Variants in KCTD18 observed in about 807,000 individuals in gnomAD.
KCTD18 encodes the protein BTB/POZ domain-containing protein KCTD18.
In KCTD18, 22 loss-of-function variants were observed where a neutral mutation model predicts 30.4. The ratio of observed to expected loss-of-function variants is 0.72; its 90% CI spans 0.52 to 1.03. KCTD18 has a LOEUF of 1.03. Among genes scored for constraint, KCTD18 ranks in the 50% least tolerant of loss-of-function variants. The pLI is 0.00. For missense variants in KCTD18, 529 were observed against 547.6 expected (o/e 0.97, Z 0.34); for synonymous variants, 186 against 209.0 (o/e 0.89, Z 0.95).
intron 6 of KCTD18, among the ~76,000 whole-genome samples, chr2:200,492,785 A>G (rs2087938481): frequency 6.6e-6 from 1 of 152,238 alleles, no homozygotes; most frequent in Admixed American, 6.5e-5. Flanking sequence ...AACAGAAAGG[A>G]ACTCAGAATA....
At position 200,499,010 on chromosome 2, in the gene KCTD18, G is replaced by A; in HGVS notation, c.447C>T (p.Asn149=). The A allele has an allele frequency of 1.2e-6, 2 of 1,614,078 alleles. No individual in the cohort carries two copies. The highest frequency in any genetic ancestry group is 1.7e-6 in the Non-Finnish European group (2 of 1,179,956). The change falls in exon 4 of 7, where the codon AAC becomes AAT. Residue 149 remains asparagine (N), a synonymous_variant. Coordinates refer to ENST00000359878, the MANE Select transcript of KCTD18 (RefSeq NM_152387.4). ...KPTVWVLHYL[N]TSGASCESRI... is the part of the protein sequence containing the mutation. ...TACTCTCACAGCTTGCACCAGATGT[G>A]TTAAGATAGTGGAGAACCCAAACTG...
chr2:200,502,592 G>A (rs2029916030), intron 3 of KCTD18, among the ~76,000 whole-genome samples: 1 of 152,182 alleles, frequency 6.6e-6, no homozygotes, highest in Admixed American at 6.5e-5. Context: ...TCATTCATTT[G>A]AATATTAAGT....
At position 200,489,931 on chromosome 2, in the gene KCTD18, C is replaced by A. The variant is rs1353860105; in HGVS notation, c.*169G>T. The stretch of plus-strand genomic sequence containing the variant: ...GGAAAATGAGAAATGGAGCCTTAAC[C>A]ATTGAAAGTCTCCCCTCCTCCATTC... On this transcript the variant is annotated 3_prime_UTR_variant, in exon 7 of 7. Coordinates refer to ENST00000359878, the MANE Select transcript of KCTD18 (RefSeq NM_152387.4). 1 of 640,218 alleles carries A rather than the reference C, an allele frequency of 1.6e-6. No individual in the cohort carries two copies. Among genetic ancestry groups the A allele is most frequent in the Non-Finnish European group, 2.5e-6 (1 of 394,278 alleles). The allele number at this position is 640,218 out of a possible 1,614,324, so 39.7% of individuals were successfully genotyped here.
intron 5 of KCTD18, chr2:200,495,734 T>C (rs1290633074): frequency 6.6e-6 from 1 of 152,038 alleles, no homozygotes; most frequent in Non-Finnish European, 1.5e-5. Context: ...GTAGTAGTGG[T>C]TGCCTTTCTA....
chr2:200,508,276 G>C (rs953547651), intron 1 of KCTD18, among the ~76,000 whole-genome samples: 1 of 152,118 alleles, frequency 6.6e-6, no homozygotes, highest in African/African-American at 2.4e-5. Flanking sequence ...TTTTAGTAGA[G>C]ACGGCGTTTC....
chr2:200,502,844 A>C (rs187252012), intron 3 of KCTD18, among the ~76,000 whole-genome samples: 1 of 152,232 alleles, frequency 6.6e-6, no homozygotes, highest in East Asian at 1.9e-4. Flanking sequence ...CAGCCTGACC[A>C]ACATGGAGAA....
At chr2:200,492,277 C>T (rs2087931136) in intron 6 of KCTD18, among the ~76,000 whole-genome samples, 2 of 152,170 alleles carry the variant, frequency 1.3e-5, no homozygotes, top group African/African-American at 4.8e-5. Context: ...TTCTAAATGC[C>T]AGTAGCAACT....
chr2:200,504,567 A>C (rs547395456), intron 3 of KCTD18, among the ~76,000 whole-genome samples, 181 bp downstream of exon 3: 7 of 152,306 alleles, frequency 4.6e-5, no homozygotes, highest in Non-Finnish European at 8.8e-5. Context: ...TTTGAGTGGC[A>C]ATATACTTTC....
intron 3 of KCTD18, among the ~76,000 whole-genome samples, chr2:200,502,799 G>A (rs1256683174): frequency 2.0e-5 from 3 of 152,074 alleles, no homozygotes; most frequent in African/African-American, 7.2e-5. Context: ...GGGAGGCCGA[G>A]GCGGGCAGAT....
At position 200,493,278 on chromosome 2, in the gene KCTD18, GA is replaced by G; in HGVS notation, c.662-5del. The stretch of plus-strand genomic sequence containing the variant: ...GGCACCCGCCAGTAGCTAACACCTG[GA>G]AGGTAAAAAGACATAATTAAGACAG... On this transcript the variant is annotated splice_polypyrimidine_tract_variant and splice_region_variant and intron_variant, in intron 5 of 6. Coordinates refer to ENST00000359878, the MANE Select transcript of KCTD18 (RefSeq NM_152387.4). 1 of 1,559,144 alleles carries G rather than the reference GA, an allele frequency of 6.4e-7. No individual in the cohort carries two copies. The highest frequency in any genetic ancestry group is 8.9e-7 in the Non-Finnish European group (1 of 1,129,872).
intron 3 of KCTD18, among the ~76,000 whole-genome samples, chr2:200,504,264 C>T (rs900241016): frequency 6.6e-6 from 1 of 152,122 alleles, no homozygotes; most frequent in African/African-American, 2.4e-5. Context: ...CGAGACCATC[C>T]TGGCTAACAC....
rs555490949 is a variant in KCTD18 at position 200,489,818 on chromosome 2, G to GAATTAA, written c.*281_*282insTTAATT. ...CTCTCTAGAGATTATTTGTTGTACT[G>GAATTAA]TCTTGTTGCCTTAATACGAATTAAT... is the stretch of plus-strand genomic sequence containing the variant. On this transcript the variant is annotated 3_prime_UTR_variant, in exon 7 of 7. Transcript: ENST00000359878. 555 of 401,078 alleles carry GAATTAA rather than the reference G, an allele frequency of 1.4e-3. 2 individuals carry two copies. The highest frequency in any genetic ancestry group is 0.01 in the African/African-American group (504 of 49,322). 24.8% of individuals were successfully genotyped at this position (401,078 alleles called of 1,614,324 possible).
intron 4 of KCTD18, among the ~76,000 whole-genome samples, chr2:200,498,393 A>C (rs944617959): frequency 6.6e-6 from 1 of 152,190 alleles, no homozygotes; most frequent in Non-Finnish European, 1.5e-5. Flanking sequence ...TATAGGAAAA[A>C]TATTAAGTAA....
chr2:200,493,978 G>GC (rs2087961241), intron 5 of KCTD18, among the ~76,000 whole-genome samples: 1 of 152,204 alleles, frequency 6.6e-6, no homozygotes, highest in Non-Finnish European at 1.5e-5. Context: ...AAGAATCTGA[G>GC]CTAGTGAGTT....
intron 4 of KCTD18, 116 bp downstream of exon 4, chr2:200,498,775 T>C: frequency 6.1e-6 from 5 of 823,010 alleles, no homozygotes; most frequent in Non-Finnish European, 8.0e-6. Flanking sequence ...TGGCTCACTG[T>C]GTCTCCTGAG....
intron 1 of KCTD18, 138 bp downstream of exon 1, chr2:200,509,490 A>T (rs369826940): frequency 1.3e-5 from 2 of 152,486 alleles, no homozygotes; most frequent in East Asian, 3.9e-4. Context: ...TAAGGATAGG[A>T]ACATCATCAT....
At chr2:200,500,476 C>A (rs1298402381) in intron 3 of KCTD18, among the ~76,000 whole-genome samples, 1 of 152,064 alleles carries the variant, frequency 6.6e-6, no homozygotes, top group Non-Finnish European at 1.5e-5. Flanking sequence ...AAGCATTCTT[C>A]TACACCAACA....
Position 200,504,968 on chromosome 2 carries a change from CATTCAGTTCAAAAATG to C in KCTD18, c.161-25_161-10del. ...GTCAATAACACAAGCCCCTAGAAAA[CATTCAGTTCAAAAATG>C]ATTATAGAGATTCTGTCGATCAATA... On this transcript the variant is annotated splice_polypyrimidine_tract_variant and intron_variant, in intron 2 of 6. Transcript: ENST00000359878. 6.2e-7 allele frequency: 1 copy of C among 1,605,412 alleles called. No homozygotes were observed. The highest frequency in any genetic ancestry group is 8.5e-7 in the Non-Finnish European group (1 of 1,172,914).
Position 200,504,797 on chromosome 2 carries a change from G to T in KCTD18, c.323C>A (p.Ala108Asp). The change falls in exon 3 of 7, where the codon GCC becomes GAC. Residue 108 changes from alanine (A) to aspartate (D), a missense_variant. Transcript: ENST00000359878. ...PYPYSLSDHL[A>D]NEMETYSLRS... is the part of the protein sequence containing the mutation. Reference sequence around the variant, plus strand: ...TAAAGAATATGTCTCCATTTCATTGGCCAAATGGTCAGACAGGCTGTATGG... The same window carrying T: ...TAAAGAATATGTCTCCATTTCATTGTCCAAATGGTCAGACAGGCTGTATGG... 1.9e-6 allele frequency: 3 copies of T among 1,614,070 alleles called. No individual in the cohort carries two copies. Among genetic ancestry groups the T allele is most frequent in the Non-Finnish European group, 2.5e-6 (3 of 1,179,994 alleles).
Sources: gnomAD v4.1 joint callset for allele counts (sites outside exome capture counted in the v4.1 genomes callset) on GRCh38, gnomAD v4.1.1 for gene constraint, MANE v1.5 for transcripts, NCBI Gene and HGNC (gene_info 2026-07-23, HGNC 2026-07-21) for gene names.